The following CNBD1 variants were observed in gnomAD, a reference collection of about 807,000 sequenced individuals.
The protein encoded by CNBD1 is cyclic nucleotide binding domain containing 1.
In CNBD1, 71 loss-of-function variants were observed where a neutral mutation model predicts 54.4. The observed-to-expected ratio is 1.30, with a 90% CI of 1.08 to 1.59. The LOEUF (loss-of-function observed/expected upper bound fraction) is 1.59. CNBD1 is among the 40% of genes most tolerant of loss of function. The pLI, the probability that CNBD1 is intolerant of heterozygous loss-of-function variation, is 0.00. For missense variants in CNBD1, 659 were observed against 518.0 expected, an observed-to-expected ratio of 1.27 and a Z score of -2.64; for synonymous variants, 182 against 170.7, an observed-to-expected ratio of 1.07 and a Z score of -0.51.
chr8:87,413,726 C>T (rs925431305), intron 2 of CNBD1, among the ~76,000 whole-genome samples: 1 of 144,838 alleles, frequency 6.9e-6, no homozygotes, highest in East Asian at 2.0e-4. Context: ...TGAACAGACA[C>T]TTCTCAAAAG....
chr8:87,375,352 T>C (rs2095008361), intron 10 of CNBD1, among the ~76,000 whole-genome samples: 1 of 151,866 alleles, frequency 6.6e-6, no homozygotes, highest in Non-Finnish European at 1.5e-5. Flanking sequence ...ATTTAGCACA[T>C]TTCAAAGAGA....
At chr8:86,906,730 G>A (rs554860759) in intron 3 of CNBD1, among the ~76,000 whole-genome samples, 2 of 152,288 alleles carry the variant, frequency 1.3e-5, no homozygotes, top group East Asian at 3.9e-4. Context: ...TAATCTACCA[G>A]CAGTGGTCTG....
intron 2 of CNBD1, among the ~76,000 whole-genome samples, chr8:87,397,803 G>T (rs1184120495): frequency 1.3e-5 from 2 of 151,968 alleles, no homozygotes. Flanking sequence ...GGGACATGGT[G>T]GTTGATGACT....
chr8:87,013,583 C>T (rs894240661), intron 4 of CNBD1, among the ~76,000 whole-genome samples: 20 of 150,662 alleles, frequency 1.3e-4, no homozygotes, highest in Middle Eastern at 3.2e-3. Flanking sequence ...TAATAATAAC[C>T]GCTGTTTGGA....
At chr8:87,116,029 T>C (rs1811760532) in intron 4 of CNBD1, among the ~76,000 whole-genome samples, 1 of 152,146 alleles carries the variant, frequency 6.6e-6, no homozygotes, top group South Asian at 2.1e-4. Flanking sequence ...AACACTCTCT[T>C]CACTTGCTTC....
intron 4 of CNBD1, among the ~76,000 whole-genome samples, chr8:87,128,206 C>A (rs149463403): frequency 2.6e-5 from 4 of 152,208 alleles, no homozygotes; most frequent in Non-Finnish European, 5.9e-5. Flanking sequence ...GGAAGCCGAA[C>A]AAGTACCTGG....
chr8:87,071,447 C>T (rs1810758096), intron 4 of CNBD1, among the ~76,000 whole-genome samples: 2 of 152,030 alleles, frequency 1.3e-5, no homozygotes. Context: ...TGGTAAAAGT[C>T]AAACATACCC....
chr8:87,370,666 A>G (rs1463063250), intron 10 of CNBD1, among the ~76,000 whole-genome samples: 21 of 150,912 alleles, frequency 1.4e-4, no homozygotes, highest in South Asian at 8.4e-4. Flanking sequence ...ATTTTCTCCC[A>G]TTTTGTAGGT....
chr8:87,160,372 T>C (rs963783612), intron 4 of CNBD1, among the ~76,000 whole-genome samples: 1 of 152,094 alleles, frequency 6.6e-6, no homozygotes, highest in African/African-American at 2.4e-5. Flanking sequence ...TAGTCTATAA[T>C]ATCATTTTAT....
At chr8:87,060,920 A>G (rs72665010) in intron 4 of CNBD1, among the ~76,000 whole-genome samples, 15,075 of 152,184 alleles carry the variant, frequency 0.099, 1,016 homozygotes, top group Non-Finnish European at 0.15. Context: ...GAAGCTGGTC[A>G]CCAATAAATA....
intron 3 of CNBD1, among the ~76,000 whole-genome samples, chr8:86,918,639 A>T (rs1365598887): frequency 1.3e-5 from 2 of 151,794 alleles, no homozygotes; most frequent in Admixed American, 1.3e-4. Context: ...CTGTGCTGCC[A>T]CATAAGACAT....
chr8:86,926,902 G>C (rs117000393), intron 3 of CNBD1, among the ~76,000 whole-genome samples: 1 of 152,110 alleles, frequency 6.6e-6, no homozygotes. Context: ...GTGTAAGTAG[G>C]GGTATTAGTT....
At chr8:87,275,967 C>T (rs535944796) in intron 6 of CNBD1, among the ~76,000 whole-genome samples, 2 of 151,994 alleles carry the variant, frequency 1.3e-5, no homozygotes, top group South Asian at 4.2e-4. Flanking sequence ...CTCCCATTCA[C>T]AATTGCTTCA....
intron 4 of CNBD1, among the ~76,000 whole-genome samples, chr8:87,201,982 G>C (rs961178328): frequency 6.6e-6 from 1 of 152,054 alleles, no homozygotes; most frequent in Non-Finnish European, 1.5e-5. Context: ...ATCCAACATA[G>C]TTTGTTTGAT....
chr8:87,264,121 A>T (rs1342860449), intron 6 of CNBD1, among the ~76,000 whole-genome samples: 1 of 152,042 alleles, frequency 6.6e-6, no homozygotes, highest in South Asian at 2.1e-4. Flanking sequence ...AACATTAGGT[A>T]TATCTCTTAA....
In CNBD1 at chr8:86,946,826, T is replaced by C. The variant is rs1459917396; in HGVS notation, c.431+7072T>C. Reference sequence around the variant, plus strand: ...TTTAATGTCTGACTGTACAAAAATATTACTTGCCTTCCTCATGCAGTTATT... The same window carrying C: ...TTTAATGTCTGACTGTACAAAAATACTACTTGCCTTCCTCATGCAGTTATT... On this transcript the variant is annotated intron_variant, in intron 4 of 10. Transcript: ENST00000518476. Among the ~76,000 whole-genome samples, 6 of 152,282 alleles carry C rather than the reference T, an allele frequency of 3.9e-5. No homozygotes were observed. The South Asian group carries it at 8.3e-4, about 21-fold the overall frequency.
At chr8:87,381,679 A>G (rs1811077785) in intron 10 of CNBD1, among the ~76,000 whole-genome samples, 1 of 152,054 alleles carries the variant, frequency 6.6e-6, no homozygotes, top group South Asian at 2.1e-4. Context: ...TTCAGCCTTA[A>G]AAAGGAAATT....
chr8:87,424,437 A>G (rs982822222), intron 2 of CNBD1, among the ~76,000 whole-genome samples: 5 of 152,106 alleles, frequency 3.3e-5, no homozygotes, highest in East Asian at 3.9e-4. Flanking sequence ...CCCTCTACAC[A>G]CTGCTTTGAA....
intron 4 of CNBD1, among the ~76,000 whole-genome samples, chr8:87,047,041 T>C (rs1389793343): frequency 1.3e-5 from 2 of 152,094 alleles, no homozygotes; most frequent in African/African-American, 4.8e-5. Flanking sequence ...GTTTTTTAAG[T>C]TTTTCAACAT....
Sources: allele counts gnomAD v4.1 joint callset (sites outside exome capture counted in the v4.1 genomes callset), GRCh38; gene constraint gnomAD v4.1.1; transcripts MANE v1.5; gene names NCBI Gene and HGNC (gene_info 2026-07-23, HGNC 2026-07-21).